SLC6A11: variants seen among roughly 807,000 people sequenced by gnomAD.
SLC6A11 encodes sodium- and chloride-dependent GABA transporter 3.
A neutral mutation model predicts 74.8 loss-of-function variants in SLC6A11; 25 were observed. The ratio of observed to expected loss-of-function variants is 0.33; its 90% CI spans 0.24 to 0.47. The LOEUF is 0.47. Ranked by LOEUF, SLC6A11 falls within the 20% of genes least tolerant of loss-of-function variation. The pLI is 1.00. For missense variants in SLC6A11, 574 were observed against 837.0 expected, an observed-to-expected ratio of 0.69 and a Z score of 3.88; for synonymous variants, 330 against 330.2, an observed-to-expected ratio of 1.00 and a Z score of 0.01.
At chr3:10,913,757 G>A (rs959917337) in intron 7 of SLC6A11, among the ~76,000 whole-genome samples, 3 of 152,114 alleles carry the variant, frequency 2.0e-5, no homozygotes, top group Non-Finnish European at 2.9e-5. Context: ...GCAGTGGCAC[G>A]ATCTCGGCTC....
At position 10,940,454 on chromosome 3, in the gene SLC6A11, C is replaced by T. The variant is rs1243222015; in HGVS notation, c.*2052C>T. On this transcript the variant is annotated 3_prime_UTR_variant, in exon 14 of 14. Coordinates refer to ENST00000254488, the MANE Select transcript of SLC6A11 (RefSeq NM_014229.3). The stretch of plus-strand genomic sequence containing the variant: ...GGGCAGGGCGGAGGGTGGATTGTTG[C>T]TTTTTGTTTTTTGTAATTTCCTACT... The T allele has an allele frequency of 2.1e-5, 3 of 142,440 alleles. No individual in the cohort carries two copies. The highest frequency in any genetic ancestry group is 8.0e-5 in the African/African-American group (3 of 37,672). The allele number at this position is 142,440 out of a possible 1,614,324, so 8.8% of individuals were successfully genotyped here.
At chr3:10,889,821 C>T (rs563352443) in intron 6 of SLC6A11, among the ~76,000 whole-genome samples, 4 of 152,264 alleles carry the variant, frequency 2.6e-5, no homozygotes, top group Non-Finnish European at 5.9e-5. Flanking sequence ...AGCAGAAGTT[C>T]TGGGGCTAAG....
At chr3:10,821,317 CA>C (rs1694135214) in intron 3 of SLC6A11, among the ~76,000 whole-genome samples, 2 of 152,130 alleles carry the variant, frequency 1.3e-5, no homozygotes, top group African/African-American at 2.4e-5. Context: ...TGACTTTATG[CA>C]TGTTTATAAT....
At chr3:10,879,205 T>C (rs934181235) in intron 6 of SLC6A11, among the ~76,000 whole-genome samples, 1 of 152,220 alleles carries the variant, frequency 6.6e-6, no homozygotes, top group African/African-American at 2.4e-5. Flanking sequence ...TGTTTTTTGA[T>C]TCTCTGTCAG....
At chr3:10,857,113 A>C (rs919457301) in intron 5 of SLC6A11, among the ~76,000 whole-genome samples, 2 of 152,178 alleles carry the variant, frequency 1.3e-5, no homozygotes, top group Non-Finnish European at 2.9e-5. Flanking sequence ...ATGATTCTGG[A>C]GTAAGTGTTG....
At chr3:10,849,822 A>C (rs1016261144) in intron 5 of SLC6A11, among the ~76,000 whole-genome samples, 43 of 97,876 alleles carry the variant, frequency 4.4e-4, no homozygotes, top group African/African-American at 1.4e-3. Context: ...AAAAAAAAAA[A>C]CGAAAAAAAA....
chr3:10,864,407 G>A (rs907446333), intron 5 of SLC6A11, among the ~76,000 whole-genome samples: 2 of 151,646 alleles, frequency 1.3e-5, no homozygotes, highest in Admixed American at 6.6e-5. Flanking sequence ...GTAACTGCGC[G>A]TGAGCCCCTA....
chr3:10,835,466 G>A (rs1295608672), intron 4 of SLC6A11, among the ~76,000 whole-genome samples: 1 of 152,182 alleles, frequency 6.6e-6, no homozygotes, highest in Non-Finnish European at 1.5e-5. Context: ...CTCCTGACCT[G>A]CAGGACCTCT....
At position 10,926,899 on chromosome 3, in the gene SLC6A11, T is replaced by C. The variant is rs1365165183; in HGVS notation, c.1233+783T>C. 3.9e-5 allele frequency among the ~76,000 whole-genome samples: 6 copies of C among 152,140 alleles called. No individual in the cohort carries two copies. The highest frequency in any genetic ancestry group is 1.4e-4 in the African/African-American group (6 of 41,430). On this transcript the variant is annotated intron_variant, in intron 9 of 13. Coordinates refer to ENST00000254488, the MANE Select transcript of SLC6A11 (RefSeq NM_014229.3). The surrounding 1 kb of genome is among the most constrained non-coding windows in gnomAD (Gnocchi z 5.7). ...TCACAGCTGTTTTCCCTAGGAGCCC[T>C]GGAGAACTTCCCCCAGCCACAGCCT...
At position 10,926,606 on chromosome 3, in the gene SLC6A11, C is replaced by T. The variant is rs2106633497; in HGVS notation, c.1233+490C>T. On this transcript the variant is annotated intron_variant, in intron 9 of 13. Transcript: ENST00000254488. This position sits in a 1 kb window ranked among gnomAD's most constrained non-coding sequence, Gnocchi z 5.7. ...CCTGGATGCCACCACCAGCTCTGCCCCGCCACCGCCTGCCTGTCTCTGTGC... is the reference window on the plus strand; with the variant it reads ...CCTGGATGCCACCACCAGCTCTGCCTCGCCACCGCCTGCCTGTCTCTGTGC... 6.6e-6 allele frequency among the ~76,000 whole-genome samples: 1 copy of T among 152,216 alleles called. No homozygotes were observed. The highest frequency in any genetic ancestry group is 2.1e-4 in the South Asian group (1 of 4,812).
intron 12 of SLC6A11, 44 bp from the exon 13 acceptor site, chr3:10,934,985 G>A: frequency 6.4e-7 from 1 of 1,568,148 alleles, no homozygotes; most frequent in Non-Finnish European, 8.7e-7. Context: ...GCCTAGCAGG[G>A]CTGAGGGCCC....
chr3:10,841,893 T>A (rs1694442793), intron 4 of SLC6A11, among the ~76,000 whole-genome samples: 1 of 152,334 alleles, frequency 6.6e-6, no homozygotes, highest in South Asian at 2.1e-4. Flanking sequence ...CCTCGTGTGT[T>A]CCTCCAGTGA....
intron 5 of SLC6A11, among the ~76,000 whole-genome samples, chr3:10,863,994 A>G (rs911699406): frequency 3.3e-5 from 5 of 152,126 alleles, no homozygotes; most frequent in African/African-American, 1.2e-4. Context: ...TGGGAATAAT[A>G]TTTTCTGTCT....
At chr3:10,833,401 A>G (rs1694323589) in intron 4 of SLC6A11, among the ~76,000 whole-genome samples, 1 of 152,106 alleles carries the variant, frequency 6.6e-6, no homozygotes, top group Admixed American at 6.5e-5. Context: ...CCCGAGGGAG[A>G]ACCCAAGGTC....
chr3:10,914,239 C>T lies in SLC6A11; in HGVS notation c.995+2046C>T, dbSNP rs1367522061. ...TGAAGCTGGTGGAGGTGGTACCTTG[C>T]TAGATGTGGCAGGGCCTTGACTCTG... is the stretch of plus-strand genomic sequence containing the variant. On this transcript the variant is annotated intron_variant, in intron 7 of 13. Coordinates refer to ENST00000254488, the MANE Select transcript of SLC6A11 (RefSeq NM_014229.3). 4.6e-5 allele frequency among the ~76,000 whole-genome samples: 7 copies of T among 152,270 alleles called. No individual in the cohort carries two copies. The East Asian group carries it at 1.4e-3, about 29-fold the overall frequency.
chr3:10,888,639 G>A (rs1695071952), intron 6 of SLC6A11, among the ~76,000 whole-genome samples: 3 of 152,256 alleles, frequency 2.0e-5, no homozygotes, highest in Admixed American at 1.3e-4. Context: ...GTACAGGGAT[G>A]AAATGGTGGT....
At position 10,816,671 on chromosome 3, in the gene SLC6A11, C is replaced by A; in HGVS notation, c.256+150C>A. 8.2e-6 allele frequency: 7 copies of A among 850,936 alleles called. No individual in the cohort carries two copies. The highest frequency in any genetic ancestry group is 1.0e-5 in the Non-Finnish European group (6 of 584,486). 52.7% of individuals were successfully genotyped at this position (850,936 alleles called of 1,614,324 possible). A position where few individuals can be genotyped will look rare whatever the true frequency, so the allele number is the denominator to read the frequency against. The stretch of plus-strand genomic sequence containing the variant: ...TCCAGGCACCTCGCGTGTGAGCTCG[C>A]CCCGGAGCGCGGCCCACCTGTGCCA... On this transcript the variant is annotated intron_variant, in intron 1 of 13. Coordinates refer to ENST00000254488, the MANE Select transcript of SLC6A11 (RefSeq NM_014229.3). The surrounding 1 kb of genome is among the most constrained non-coding windows in gnomAD (Gnocchi z 4.2).
At position 10,910,806 on chromosome 3, in the gene SLC6A11, A is replaced by G. The variant is rs564207048; in HGVS notation, c.892-1284A>G. Among the ~76,000 whole-genome samples the G allele has an allele frequency of 1.1e-4, 16 of 146,464 alleles. No homozygotes were observed. The East Asian group carries it at 3.3e-3, about 30-fold the overall frequency. ...GGGCCAATAATAGCACCTACCACAT[A>G]GGGTTGCTGTGAATTTTTTTTTTTT... On this transcript the variant is annotated intron_variant, in intron 6 of 13. Coordinates refer to ENST00000254488, the MANE Select transcript of SLC6A11 (RefSeq NM_014229.3).
At chr3:10,930,832 T>G (rs528849683) in intron 10 of SLC6A11, among the ~76,000 whole-genome samples, 2 of 152,116 alleles carry the variant, frequency 1.3e-5, no homozygotes, top group East Asian at 3.9e-4. Context: ...CAAGGGGTGT[T>G]TCATGGCCCC....
Sources: gnomAD v4.1 joint callset for allele counts (sites outside exome capture counted in the v4.1 genomes callset) on GRCh38, gnomAD v4.1.1 for gene constraint, Gnocchi (gnomAD v3.1) non-coding constraint, MANE v1.5 for transcripts, NCBI Gene and HGNC (gene_info 2026-07-23, HGNC 2026-07-21) for gene names.